The following APBA2 variants were observed in gnomAD, a reference collection of about 807,000 sequenced individuals.
The protein encoded by APBA2 is amyloid-beta A4 precursor protein-binding family A member 2.
APBA2 carries 30 observed loss-of-function variants against 75.0 expected under a neutral mutation model. The ratio of observed to expected loss-of-function variants is 0.40; its 90% CI spans 0.30 to 0.54. The LOEUF (loss-of-function observed/expected upper bound fraction) is 0.54. Ranked by LOEUF, APBA2 falls within the 20% of genes least tolerant of loss-of-function variation. The pLI, the probability that APBA2 is intolerant of heterozygous loss-of-function variation, is 0.49. For synonymous variants in APBA2, 444 were observed against 409.6 expected, an observed-to-expected ratio of 1.08 and a Z score of -1.01; for missense variants, 801 against 1,016.1, an observed-to-expected ratio of 0.79 and a Z score of 2.88.
intron 6 of APBA2, among the ~76,000 whole-genome samples, chr15:29,087,270 A>ATTTT (rs1566990838): frequency 6.8e-6 from 1 of 147,704 alleles, no homozygotes; most frequent in Non-Finnish European, 1.5e-5. Context: ...TTTTTAAAAA[A>ATTTT]AATTATTTAT....
intron 10 of APBA2, chr15:29,102,133 C>T: frequency 2.4e-6 from 1 of 415,884 alleles, no homozygotes; most frequent in Admixed American, 3.8e-5. Context: ...TTCGCATGGC[C>T]CTGGCATGCT....
At position 29,053,958 on chromosome 15, in the gene APBA2, A is replaced by G; in HGVS notation, c.74A>G (p.His25Arg). ...DHRVRPGPVP[H>R]SQEPESEDME... Reference sequence around the variant, plus strand: ...AGGGTGAGACCAGGTCCTGTCCCTCACAGCCAGGAGCCCGAGAGCGAGGAC... The same window carrying G: ...AGGGTGAGACCAGGTCCTGTCCCTCGCAGCCAGGAGCCCGAGAGCGAGGAC... Residue 25 changes from histidine (H) to arginine (R), a missense_variant, in exon 4 of 15, where the codon CAC becomes CGC. Coordinates refer to ENST00000683413, the MANE Select transcript of APBA2 (RefSeq NM_001353788.2). 1.2e-6 allele frequency: 2 copies of G among 1,614,020 alleles called. No homozygotes were observed.
chr15:29,075,525 T>C (rs1288430139), intron 5 of APBA2, among the ~76,000 whole-genome samples: 1 of 152,178 alleles, frequency 6.6e-6, no homozygotes, highest in African/African-American at 2.4e-5. Flanking sequence ...TGCCTAATGA[T>C]GTCCCTTTGG....
chr15:29,064,630 C>T (rs2042296348), intron 4 of APBA2, among the ~76,000 whole-genome samples: 1 of 152,026 alleles, frequency 6.6e-6, no homozygotes, highest in Non-Finnish European at 1.5e-5. Context: ...TGGGTGTCCT[C>T]AGCATGGAAG....
chr15:29,113,642 C>T (rs2044868475), intron 13 of APBA2, among the ~76,000 whole-genome samples: 1 of 152,170 alleles, frequency 6.6e-6, no homozygotes, highest in Non-Finnish European at 1.5e-5. Context: ...GGACAGGTTC[C>T]ACCGTGGGAG....
At position 29,100,478 on chromosome 15, in the gene APBA2, T is replaced by G. The variant is rs116412550; in HGVS notation, c.1339-1121T>G. ...AAGCATAAAAGACCAGTTGATTAGTTTTTTTGAGCTTTGTGTGCAGTCTTG... is the reference window on the plus strand; with the variant it reads ...AAGCATAAAAGACCAGTTGATTAGTGTTTTTGAGCTTTGTGTGCAGTCTTG... On this transcript the variant is annotated intron_variant, in intron 9 of 14. Transcript: ENST00000683413. Among the ~76,000 whole-genome samples, 1,014 of 152,338 alleles carry G rather than the reference T, an allele frequency of 6.7e-3. 14 individuals carry two copies. The highest frequency in any genetic ancestry group is 0.023 in the African/African-American group (951 of 41,578).
chr15:28,967,673 C>T (rs1224839043), intron 2 of APBA2, among the ~76,000 whole-genome samples: 1 of 152,178 alleles, frequency 6.6e-6, no homozygotes, highest in Non-Finnish European at 1.5e-5. Context: ...CTCCTAACCT[C>T]ATGATCCACC....
chr15:28,966,347 GT>G (rs2036737517), intron 2 of APBA2, among the ~76,000 whole-genome samples: 1 of 151,900 alleles, frequency 6.6e-6, no homozygotes, highest in African/African-American at 2.4e-5. Flanking sequence ...GGCAAGATTT[GT>G]TTTTGCTGTA....
chr15:29,089,720 G>A (rs56276336), intron 6 of APBA2, among the ~76,000 whole-genome samples: 2,493 of 152,298 alleles, frequency 0.016, 42 homozygotes, highest in East Asian at 0.04. Flanking sequence ...TCTGGCAGGG[G>A]AGAACCTGGA....
At chr15:28,923,880 C>G (rs768302536) in intron 2 of APBA2, among the ~76,000 whole-genome samples, 2 of 152,250 alleles carry the variant, frequency 1.3e-5, no homozygotes, top group Non-Finnish European at 2.9e-5. Context: ...CCACCGCCCC[C>G]CCGGGGCTCC....
chr15:28,976,843 C>T (rs1264791861), intron 2 of APBA2, among the ~76,000 whole-genome samples: 1 of 152,206 alleles, frequency 6.6e-6, no homozygotes, highest in African/African-American at 2.4e-5. Context: ...TAACATTCAG[C>T]ATCTCATCCT....
At chr15:29,026,114 C>T (rs944775580) in intron 3 of APBA2, among the ~76,000 whole-genome samples, 1 of 152,152 alleles carries the variant, frequency 6.6e-6, no homozygotes, top group East Asian at 1.9e-4. Context: ...CTCTTAATGA[C>T]CCCTACCCAG....
intron 6 of APBA2, among the ~76,000 whole-genome samples, chr15:29,076,449 CT>C (rs58395338): frequency 0.041 from 5,573 of 136,952 alleles, 184 homozygotes; most frequent in African/African-American, 0.1. Flanking sequence ...CAAATTCAGG[CT>C]TTTTTTTTTT....
chr15:29,110,025 A>G (rs1177579103), intron 13 of APBA2, among the ~76,000 whole-genome samples: 1 of 152,184 alleles, frequency 6.6e-6, no homozygotes, highest in Non-Finnish European at 1.5e-5. Flanking sequence ...CTCTGCACAC[A>G]TGTGACCTGG....
chr15:29,006,280 A>G (rs770856833), intron 3 of APBA2, among the ~76,000 whole-genome samples: 2 of 152,200 alleles, frequency 1.3e-5, no homozygotes, highest in African/African-American at 2.4e-5. Flanking sequence ...CACAAATATC[A>G]GTTGCATTTC....
chr15:29,091,087 G>A (rs1185512277), intron 6 of APBA2, among the ~76,000 whole-genome samples: 3 of 152,160 alleles, frequency 2.0e-5, no homozygotes, highest in African/African-American at 7.2e-5. Context: ...TGTACCCTCT[G>A]AGAGACAGGT....
At chr15:28,976,387 T>C (rs1338971618) in intron 2 of APBA2, among the ~76,000 whole-genome samples, 1 of 152,264 alleles carries the variant, frequency 6.6e-6, no homozygotes, top group Non-Finnish European at 1.5e-5. Context: ...GAAGCAGTTA[T>C]ACTGCAAATT....
chr15:29,017,750 TCTTA>T (rs2039748644), intron 3 of APBA2, among the ~76,000 whole-genome samples: 1 of 152,232 alleles, frequency 6.6e-6, no homozygotes, highest in African/African-American at 2.4e-5. Context: ...TTATGCTTGC[TCTTA>T]CTTTGGCTCT....
intron 4 of APBA2, among the ~76,000 whole-genome samples, chr15:29,055,920 G>A (rs1457989090): frequency 6.6e-6 from 1 of 152,152 alleles, no homozygotes; most frequent in Non-Finnish European, 1.5e-5. Context: ...GAGCTCCCAT[G>A]GTACTAGTGG....
Sources: allele counts gnomAD v4.1 joint callset (sites outside exome capture counted in the v4.1 genomes callset), GRCh38; gene constraint gnomAD v4.1.1; transcripts MANE v1.5; gene names NCBI Gene and HGNC (gene_info 2026-07-23, HGNC 2026-07-21).